The following MAPKAPK3 variants were observed in gnomAD, a reference collection of about 807,000 sequenced individuals.
MAPKAPK3 encodes the protein MAPK activated protein kinase 3.
Under a neutral mutation model 49.2 loss-of-function variants are expected in MAPKAPK3, and 35 were observed. The observed-to-expected ratio is 0.71, with a 90% CI of 0.54 to 0.94. The LOEUF (loss-of-function observed/expected upper bound fraction) is 0.94, where lower values mean the gene tolerates loss of function less well. Ranked by LOEUF, MAPKAPK3 falls within the 40% of genes least tolerant of loss-of-function variation. The pLI, the probability that MAPKAPK3 is intolerant of heterozygous loss-of-function variation, is 0.00. For synonymous variants in MAPKAPK3, 178 were observed against 188.7 expected (o/e 0.94, Z 0.46); for missense variants, 398 against 493.1 (o/e 0.81, Z 1.83).
intron 2 of MAPKAPK3, among the ~76,000 whole-genome samples, chr3:50,630,648 G>T (rs570723184): frequency 2.0e-5 from 3 of 152,258 alleles, no homozygotes; most frequent in African/African-American, 7.2e-5. Context: ...CCAAGCTCTC[G>T]GAAGGAGTGG....
intron 2 of MAPKAPK3, among the ~76,000 whole-genome samples, chr3:50,634,965 G>T (rs1006967716): frequency 6.6e-6 from 1 of 152,186 alleles, no homozygotes; most frequent in Non-Finnish European, 1.5e-5. Context: ...TGCAAGGAAC[G>T]CCTGTCTAGA....
chr3:50,647,764 G>C, intron 10 of MAPKAPK3, 130 bp from the exon 11 acceptor site: 2 of 853,278 alleles, frequency 2.3e-6, no homozygotes, highest in Admixed American at 4.9e-5. Flanking sequence ...GCCCAGTGCT[G>C]GGCACACAGT....
intron 2 of MAPKAPK3, among the ~76,000 whole-genome samples, chr3:50,630,673 TTTGC>T (rs1341631756): frequency 6.6e-6 from 1 of 152,140 alleles, no homozygotes; most frequent in Admixed American, 6.5e-5. Flanking sequence ...GCCTTCTCTG[TTTGC>T]TTTCCCCAGG....
rs2033176586 is a variant in MAPKAPK3, at chr3:50,641,574, G to T, written c.360-133G>T. 6.7e-5 allele frequency: 50 copies of T among 743,320 alleles called. 2 individuals carry two copies. The South Asian group carries it at 7.4e-4, about 11-fold the overall frequency. The allele number at this position is 743,320 out of a possible 1,614,324, so 46.0% of individuals were successfully genotyped here. On this transcript the variant is annotated intron_variant, in intron 3 of 10. Coordinates refer to ENST00000621469, the MANE Select transcript of MAPKAPK3 (RefSeq NM_001243925.2). The stretch of plus-strand genomic sequence containing the variant: ...ACCAGGTTCTACAAGGGACAGGGAG[G>T]CTGACAGTGGCTGTTCAGTAGGGGA...
chr3:50,640,043 G>GA (rs1435641613), intron 2 of MAPKAPK3, among the ~76,000 whole-genome samples: 1 of 152,172 alleles, frequency 6.6e-6, no homozygotes, highest in African/African-American at 2.4e-5. Context: ...TGTGTGATTA[G>GA]AGTGGGGTTA....
intron 7 of MAPKAPK3, 82 bp downstream of exon 7, chr3:50,645,867 C>T (rs1019579608): frequency 3.6e-5 from 46 of 1,264,634 alleles, no homozygotes; most frequent in Admixed American, 1.0e-4. Flanking sequence ...TGTCCCCCCA[C>T]CCCCATGTCC....
At chr3:50,633,224 A>G (rs1247083735) in intron 2 of MAPKAPK3, among the ~76,000 whole-genome samples, 2 of 152,116 alleles carry the variant, frequency 1.3e-5, no homozygotes, top group South Asian at 4.1e-4. Flanking sequence ...GTTCTCTGCT[A>G]GGTACTTTGG....
At chr3:50,641,113 G>C (rs945005861) in intron 3 of MAPKAPK3, among the ~76,000 whole-genome samples, 9 of 152,228 alleles carry the variant, frequency 5.9e-5, no homozygotes, top group African/African-American at 2.2e-4. Context: ...TCAGATGTAA[G>C]ATGTGGGAAA....
chr3:50,624,041 T>C (rs1191535199), intron 2 of MAPKAPK3, among the ~76,000 whole-genome samples: 2 of 152,252 alleles, frequency 1.3e-5, no homozygotes, highest in Non-Finnish European at 2.9e-5. Flanking sequence ...AAAGGTCGTG[T>C]GCCTTTTCCC....
At chr3:50,634,426 G>A (rs2032982407) in intron 2 of MAPKAPK3, among the ~76,000 whole-genome samples, 1 of 152,156 alleles carries the variant, frequency 6.6e-6, no homozygotes, top group Non-Finnish European at 1.5e-5. Flanking sequence ...AGGGAACATA[G>A]GAGAGGAATG....
At chr3:50,616,618 A>C (rs2032468322), upstream of MAPKAPK3, among the ~76,000 whole-genome samples, 1 of 152,140 alleles carries the variant, frequency 6.6e-6, no homozygotes, top group Admixed American at 6.5e-5. Flanking sequence ...GAGCTGCAAA[A>C]AGGGGGCAGT....
intron 1 of MAPKAPK3, 128 bp downstream of exon 1, chr3:50,617,369 C>T: frequency 2.0e-6 from 1 of 503,274 alleles, no homozygotes; most frequent in Non-Finnish European, 3.6e-6. Context: ...CGACCACCGC[C>T]CCTTGCTGCA....
At chr3:50,631,647 A>G (rs2032913625) in intron 2 of MAPKAPK3, among the ~76,000 whole-genome samples, 1 of 152,232 alleles carries the variant, frequency 6.6e-6, no homozygotes, top group Non-Finnish European at 1.5e-5. Context: ...TGTGATCCTC[A>G]TGGGAAATAA....
Position 50,644,463 on chromosome 3 carries a change from G to A in MAPKAPK3, c.559G>A (p.Asp187Asn). The A allele has an allele frequency of 1.2e-6, 2 of 1,614,146 alleles. No homozygotes were observed. The highest frequency in any genetic ancestry group is 2.2e-5 in the East Asian group (1 of 44,878). The part of the protein sequence containing the change: ...KEKDAVLKLT[D>N]FGFAKETTQN... ...GAAAGACGCAGTGCTTAAGCTCACC[G>A]ATTTTGGCTTTGCTAAGGAGACCAC... is the stretch of plus-strand genomic sequence containing the variant. The change falls in exon 6 of 11, where the codon GAT becomes AAT. Residue 187 changes from aspartate to asparagine, a missense_variant. Asp to Asn is a conservative substitution (Grantham distance 23, BLOSUM62 1). Around this residue, in one of 5 missense-constraint regions of MAPKAPK3, gnomAD observed 30 missense variants for 70.5 expected, o/e 0.43. Coordinates refer to ENST00000621469, the MANE Select transcript of MAPKAPK3 (RefSeq NM_001243925.2).
intron 2 of MAPKAPK3, among the ~76,000 whole-genome samples, chr3:50,627,083 C>G (rs1045999536): frequency 6.6e-6 from 1 of 150,408 alleles, no homozygotes; most frequent in Non-Finnish European, 1.5e-5. Flanking sequence ...ACTTGAGAGG[C>G]TGAGGCAGGA....
chr3:50,641,443 C>T (rs564348159), intron 3 of MAPKAPK3, among the ~76,000 whole-genome samples: 3 of 152,164 alleles, frequency 2.0e-5, no homozygotes, highest in Non-Finnish European at 1.5e-5. Context: ...AGGTAGGGGC[C>T]GTGCCACTGG....
In MAPKAPK3 at chr3:50,640,355, C is replaced by G. The variant is rs751453467; in HGVS notation, c.220-11C>G. The G allele has an allele frequency of 6.2e-7, 1 of 1,610,650 alleles. No individual in the cohort carries two copies. Among genetic ancestry groups the G allele is most frequent in the South Asian group, 1.1e-5 (1 of 90,824 alleles). On this transcript the variant is annotated splice_polypyrimidine_tract_variant and intron_variant, in intron 2 of 10. Coordinates refer to ENST00000621469, the MANE Select transcript of MAPKAPK3 (RefSeq NM_001243925.2). Reference sequence around the variant, plus strand: ...CTGAGCCTGACACTTTCTATGTGCACCCACCTACAGCTCCTGTATGACAGC... The same window carrying G: ...CTGAGCCTGACACTTTCTATGTGCAGCCACCTACAGCTCCTGTATGACAGC...
At chr3:50,629,251 T>C (rs1238183512) in intron 2 of MAPKAPK3, among the ~76,000 whole-genome samples, 11 of 152,284 alleles carry the variant, frequency 7.2e-5, no homozygotes, top group African/African-American at 2.4e-4. Flanking sequence ...TCCTGTGACC[T>C]GCTGAATTGG....
intron 2 of MAPKAPK3, among the ~76,000 whole-genome samples, chr3:50,624,753 T>A (rs2032698483): frequency 6.6e-6 from 1 of 152,136 alleles, no homozygotes; most frequent in Non-Finnish European, 1.5e-5. Context: ...GCAACCTCCC[T>A]TGGCTCCAGG....
Sources: gnomAD v4.1 joint callset for allele counts (sites outside exome capture counted in the v4.1 genomes callset) on GRCh38, gnomAD v4.1.1 for gene constraint, gnomAD v4.1.1 regional missense constraint, MANE v1.5 for transcripts, NCBI Gene and HGNC (gene_info 2026-07-23, HGNC 2026-07-21) for gene names.